SIMC1: variants seen among roughly 807,000 people sequenced by gnomAD.
SIMC1 encodes SUMO-interacting motif-containing protein 1.
Under a neutral mutation model 82.3 loss-of-function variants are expected in SIMC1, and 55 were observed. That is an observed-to-expected ratio of 0.67 (90% CI 0.54 to 0.84). The LOEUF is 0.84. Among genes scored for constraint, SIMC1 ranks in the 40% least tolerant of loss-of-function variants. The probability of loss-of-function intolerance (pLI) is 0.00; values close to 1 mark genes in which losing one functional copy is unlikely to be tolerated. For missense variants in SIMC1, 915 were observed against 1,107.2 expected, an observed-to-expected ratio of 0.83 and a Z score of 2.46; for synonymous variants, 353 against 426.3, an observed-to-expected ratio of 0.83 and a Z score of 2.12.
chr5:176,307,747 A>T (rs894914564), intron 4 of SIMC1, among the ~76,000 whole-genome samples: 1 of 152,216 alleles, frequency 6.6e-6, no homozygotes, highest in Non-Finnish European at 1.5e-5. Context: ...AGACAATAAT[A>T]AACATTGCCA....
At chr5:176,284,512 T>C (rs1763173362) in intron 1 of SIMC1, among the ~76,000 whole-genome samples, 1 of 152,138 alleles carries the variant, frequency 6.6e-6, no homozygotes, top group Non-Finnish European at 1.5e-5. Flanking sequence ...ATCTCTGGGA[T>C]ACATTTAAAG....
chr5:176,316,515 A>T (rs1189355822), intron 5 of SIMC1, among the ~76,000 whole-genome samples: 1 of 29,046 alleles, frequency 3.4e-5, no homozygotes. Context: ...AAAAAATACA[A>T]AAAAAAAAAA....
intron 1 of SIMC1, among the ~76,000 whole-genome samples, chr5:176,272,345 T>A (rs948211725): frequency 6.6e-6 from 1 of 151,166 alleles, no homozygotes; most frequent in Admixed American, 6.6e-5. Flanking sequence ...GGCACTTCTA[T>A]TCAGAATTAT....
At chr5:176,265,955 C>A (rs1400953507) in intron 1 of SIMC1, among the ~76,000 whole-genome samples, 1 of 152,110 alleles carries the variant, frequency 6.6e-6, no homozygotes, top group Non-Finnish European at 1.5e-5. Context: ...CAAAATGCCT[C>A]ATGATATGTG....
At chr5:176,255,954 G>A (rs983631006) in intron 1 of SIMC1, among the ~76,000 whole-genome samples, 1 of 152,060 alleles carries the variant, frequency 6.6e-6, no homozygotes, top group African/African-American at 2.4e-5. Flanking sequence ...GAGAGAAAGT[G>A]GAAGACCAAA....
intron 4 of SIMC1, among the ~76,000 whole-genome samples, chr5:176,304,923 TGA>T (rs1295657860): frequency 1.6e-5 from 2 of 125,974 alleles, no homozygotes; most frequent in African/African-American, 3.0e-5. Context: ...CCGCCCCGTC[TGA>T]GAAGTGAGGA....
chr5:176,341,750 GTGA>G (rs59865118), intron 9 of SIMC1, among the ~76,000 whole-genome samples: 2,268 of 151,704 alleles, frequency 0.015, 32 homozygotes, highest in African/African-American at 0.039. Context: ...GATTCCTATA[GTGA>G]TGATGATGAT....
chr5:176,312,649 A>G (rs1561716263), intron 4 of SIMC1, among the ~76,000 whole-genome samples: 5 of 152,122 alleles, frequency 3.3e-5, no homozygotes, highest in Non-Finnish European at 1.5e-5. Flanking sequence ...AGACAAAGAT[A>G]TTGTCACCTC....
chr5:176,294,498 C>T (rs1448539259), intron 2 of SIMC1, among the ~76,000 whole-genome samples: 33 of 151,324 alleles, frequency 2.2e-4, no homozygotes, highest in African/African-American at 7.5e-4. Context: ...AGACTGCTCT[C>T]GAACTCCTGA....
At chr5:176,294,525 T>C (rs1398799360) in intron 2 of SIMC1, among the ~76,000 whole-genome samples, 1 of 151,974 alleles carries the variant, frequency 6.6e-6, no homozygotes, top group East Asian at 1.9e-4. Context: ...GCAGTTCTCC[T>C]GCCTTGGCCT....
intron 7 of SIMC1, among the ~76,000 whole-genome samples, chr5:176,329,469 C>T (rs1304936083): frequency 6.8e-6 from 1 of 146,200 alleles, no homozygotes; most frequent in Non-Finnish European, 1.5e-5. Context: ...AGAGTCCAGC[C>T]TGGGCGAAAG....
At chr5:176,340,938 G>A (rs907361729) in intron 9 of SIMC1, among the ~76,000 whole-genome samples, 1 of 152,192 alleles carries the variant, frequency 6.6e-6, no homozygotes, top group South Asian at 2.1e-4. Context: ...CCTGAGGTCA[G>A]GAGTTCAAGA....
At chr5:176,260,049 C>T (rs1057185368) in intron 1 of SIMC1, among the ~76,000 whole-genome samples, 24 of 150,340 alleles carry the variant, frequency 1.6e-4, no homozygotes, top group Admixed American at 2.7e-4. Flanking sequence ...TTAAAAAATA[C>T]GTAATAGACA....
At chr5:176,257,690 G>A (rs1184530855) in intron 1 of SIMC1, among the ~76,000 whole-genome samples, 2 of 152,166 alleles carry the variant, frequency 1.3e-5, no homozygotes, top group Non-Finnish European at 2.9e-5. Context: ...ATGTACGTAT[G>A]TGTCTCCTTA....
intron 1 of SIMC1, among the ~76,000 whole-genome samples, chr5:176,286,038 A>T (rs2113241207): frequency 6.6e-6 from 1 of 152,360 alleles, no homozygotes; most frequent in African/African-American, 2.4e-5. Flanking sequence ...AGGAATCAAT[A>T]TCGTGAAAAT....
chr5:176,343,101 T>C (rs1235433016), intron 9 of SIMC1, among the ~76,000 whole-genome samples: 1 of 152,258 alleles, frequency 6.6e-6, no homozygotes, highest in African/African-American at 2.4e-5. Context: ...TTACAGACTT[T>C]AGTTTTGAGA....
intron 7 of SIMC1, among the ~76,000 whole-genome samples, chr5:176,333,231 G>C (rs991696420): frequency 6.6e-6 from 1 of 151,924 alleles, no homozygotes; most frequent in Non-Finnish European, 1.5e-5. Context: ...TTGAACACAG[G>C]AGGCAGAGGT....
chr5:176,251,888 A>G (rs1481480393), intron 1 of SIMC1, among the ~76,000 whole-genome samples: 1 of 149,938 alleles, frequency 6.7e-6, no homozygotes, highest in South Asian at 2.1e-4. Flanking sequence ...CAGAGAGCAC[A>G]GGGTTGGGGG....
intron 1 of SIMC1, among the ~76,000 whole-genome samples, chr5:176,262,395 A>C (rs2113149624): frequency 1.3e-5 from 2 of 152,228 alleles, no homozygotes; most frequent in Non-Finnish European, 1.5e-5. Context: ...AATGGTGAAA[A>C]ACTTGAAGCA....
Sources: allele counts gnomAD v4.1 joint callset (sites outside exome capture counted in the v4.1 genomes callset), GRCh38; gene constraint gnomAD v4.1.1; transcripts MANE v1.5; gene names NCBI Gene and HGNC (gene_info 2026-07-23, HGNC 2026-07-21).